Variants in CACNG3 observed in about 807,000 individuals in gnomAD.
CACNG3 encodes calcium voltage-gated channel auxiliary subunit gamma 3.
CACNG3 carries 3 observed loss-of-function variants against 28.5 expected under a neutral mutation model. The observed-to-expected ratio is 0.11, with a 90% confidence interval of 0.05 to 0.27. CACNG3 has a LOEUF of 0.27. Among genes scored for constraint, CACNG3 ranks in the 10% least tolerant of loss-of-function variants. The pLI is 1.00. For synonymous variants in CACNG3, 174 were observed against 162.2 expected, an observed-to-expected ratio of 1.07 and a Z score of -0.55; for missense variants, 236 against 414.4, an observed-to-expected ratio of 0.57 and a Z score of 3.74.
intron 1 of CACNG3, among the ~76,000 whole-genome samples, chr16:24,277,918 T>C (rs1170186161): frequency 6.6e-6 from 1 of 152,224 alleles, no homozygotes; most frequent in Non-Finnish European, 1.5e-5. Context: ...TCTTACTATG[T>C]TGCCCAGGCT....
chr16:24,269,531 C>T (rs777065210), intron 1 of CACNG3, among the ~76,000 whole-genome samples: 1 of 151,786 alleles, frequency 6.6e-6, no homozygotes, highest in East Asian at 1.9e-4. Flanking sequence ...GTGGGTGGAT[C>T]GCTTCAGGAG....
intron 3 of CACNG3, 24 bp downstream of exon 3, chr16:24,354,997 A>G: frequency 6.2e-7 from 1 of 1,603,196 alleles, no homozygotes; most frequent in Non-Finnish European, 8.5e-7. Flanking sequence ...CCCAGCCCTG[A>G]GATCTTCACA....
intron 1 of CACNG3, among the ~76,000 whole-genome samples, chr16:24,265,163 G>A (rs1898580648): frequency 6.6e-6 from 1 of 151,792 alleles, no homozygotes; most frequent in Non-Finnish European, 1.5e-5. Context: ...GATGATTAGA[G>A]CCCAGGAGAT....
At chr16:24,357,625 G>C (rs1258473276) in intron 3 of CACNG3, among the ~76,000 whole-genome samples, 1 of 152,194 alleles carries the variant, frequency 6.6e-6, no homozygotes, top group East Asian at 1.9e-4. Context: ...CTTGCCCCAG[G>C]GGAGTGAGAT....
intron 1 of CACNG3, among the ~76,000 whole-genome samples, chr16:24,292,899 A>G (rs542420767): frequency 2.4e-4 from 36 of 152,352 alleles, no homozygotes; most frequent in Non-Finnish European, 5.1e-4. Flanking sequence ...GGAAAGAACC[A>G]GAGAGGATGT....
At chr16:24,322,124 G>T (rs1289311894) in intron 1 of CACNG3, among the ~76,000 whole-genome samples, 1 of 152,144 alleles carries the variant, frequency 6.6e-6, no homozygotes, top group Non-Finnish European at 1.5e-5. Context: ...ACAGGCGGGA[G>T]GAGGAGAGCA....
chr16:24,354,837 T>A lies in CACNG3; in HGVS notation c.300T>A (p.Ala100=), dbSNP rs1053482308. The change falls in exon 3 of 4, where the codon GCT becomes GCA. Residue 100 remains alanine, a synonymous_variant. Coordinates refer to ENST00000005284, the MANE Select transcript of CACNG3 (RefSeq NM_006539.4). Reference sequence around the variant, plus strand: ...CCTCTCTCCTTCTCTCCGCAGGAGCTGTGAGGGCCTCCAGTGTCTTCCCCA... The same window carrying A: ...CCTCTCTCCTTCTCTCCGCAGGAGCAGTGAGGGCCTCCAGTGTCTTCCCCA... ...EQDTAEYLLR[A]VRASSVFPIL... is the part of the protein sequence containing the mutation. 8 of 1,612,040 alleles carry A rather than the reference T, an allele frequency of 5.0e-6. No homozygotes were observed. Among genetic ancestry groups the A allele is most frequent in the Non-Finnish European group, 6.8e-6 (8 of 1,179,876 alleles).
chr16:24,311,699 T>C (rs888542638), intron 1 of CACNG3, among the ~76,000 whole-genome samples: 2 of 149,724 alleles, frequency 1.3e-5, no homozygotes, highest in African/African-American at 4.9e-5. Context: ...CTACTAGAAA[T>C]ACAAAAATTA....
At chr16:24,355,081 A>G (rs1347210724) in intron 3 of CACNG3, 108 bp downstream of exon 3, 1 of 1,104,384 alleles carries the variant, frequency 9.1e-7, no homozygotes, top group Non-Finnish European at 1.3e-6. Context: ...AGGAGCAAGA[A>G]AATGTTCCAG....
chr16:24,290,388 G>A (rs1313285730), intron 1 of CACNG3, among the ~76,000 whole-genome samples: 1 of 152,130 alleles, frequency 6.6e-6, no homozygotes, highest in Non-Finnish European at 1.5e-5. Flanking sequence ...ACCGTAAACT[G>A]AGCTTCCTGG....
At chr16:24,281,705 C>T (rs1898831013) in intron 1 of CACNG3, among the ~76,000 whole-genome samples, 1 of 152,064 alleles carries the variant, frequency 6.6e-6, no homozygotes, top group Admixed American at 6.6e-5. Flanking sequence ...GGCATAGATC[C>T]CCAAAGATAA....
intron 1 of CACNG3, among the ~76,000 whole-genome samples, chr16:24,331,154 G>A (rs1478736994): frequency 6.6e-6 from 1 of 152,092 alleles, no homozygotes; most frequent in African/African-American, 2.4e-5. Flanking sequence ...CTGTGGTCTA[G>A]GCTAGGAAGG....
rs186048924 is a variant in CACNG3 at position 24,356,433 on chromosome 16, G to A, written c.436+1460G>A. Reference sequence around the variant, plus strand: ...AGTACCAACTGCAGCTGGGCTTGGTGGCTCATGCCTGTAATCCCAGCACTT... The same window carrying A: ...AGTACCAACTGCAGCTGGGCTTGGTAGCTCATGCCTGTAATCCCAGCACTT... On this transcript the variant is annotated intron_variant, in intron 3 of 3. Transcript: ENST00000005284. Among the ~76,000 whole-genome samples, 44 of 152,336 alleles carry A rather than the reference G, an allele frequency of 2.9e-4. No homozygotes were observed. In the East Asian group the frequency reaches 8.1e-3, roughly 28 times the overall value.
At chr16:24,300,050 AG>A (rs1899085037) in intron 1 of CACNG3, among the ~76,000 whole-genome samples, 1 of 152,216 alleles carries the variant, frequency 6.6e-6, no homozygotes, top group Non-Finnish European at 1.5e-5. Flanking sequence ...AAAACCTGAA[AG>A]TACTGTCTGT....
intron 1 of CACNG3, among the ~76,000 whole-genome samples, chr16:24,263,785 C>T (rs536171830): frequency 1.4e-4 from 21 of 152,346 alleles, no homozygotes; most frequent in Non-Finnish European, 2.1e-4. Context: ...CTCTAAATAA[C>T]ATGTTGACCA....
intron 1 of CACNG3, among the ~76,000 whole-genome samples, chr16:24,333,973 A>G (rs1186630926): frequency 6.6e-6 from 1 of 152,174 alleles, no homozygotes; most frequent in African/African-American, 2.4e-5. Flanking sequence ...AGTAATTCCA[A>G]TGTGAACCAG....
chr16:24,355,175 A>G (rs1214966252), intron 3 of CACNG3, among the ~76,000 whole-genome samples: 3 of 152,104 alleles, frequency 2.0e-5, no homozygotes, highest in Non-Finnish European at 4.4e-5. Flanking sequence ...AAGGAAAAAC[A>G]GGGAGGAAAC....
chr16:24,292,189 G>A (rs1035107416), intron 1 of CACNG3, among the ~76,000 whole-genome samples: 1 of 152,112 alleles, frequency 6.6e-6, no homozygotes, highest in Non-Finnish European at 1.5e-5. Context: ...GAATATGCAT[G>A]TACTGTCCCA....
At chr16:24,260,339 T>G (rs575698098) in intron 1 of CACNG3, among the ~76,000 whole-genome samples, 1 of 152,340 alleles carries the variant, frequency 6.6e-6, no homozygotes, top group South Asian at 2.1e-4. Flanking sequence ...TACCAGAATA[T>G]CCCTTACATT....
Sources: allele counts gnomAD v4.1 joint callset (sites outside exome capture counted in the v4.1 genomes callset), GRCh38; gene constraint gnomAD v4.1.1; transcripts MANE v1.5; gene names NCBI Gene and HGNC (gene_info 2026-07-23, HGNC 2026-07-21).